The following CHM variants were observed in gnomAD, a reference collection of about 807,000 sequenced individuals.
The protein encoded by CHM is CHM Rab escort protein.
In CHM, 10 loss-of-function variants were observed where a neutral mutation model predicts 49.0. The observed-to-expected ratio is 0.20, with a 90% confidence interval of 0.13 to 0.35. CHM has a LOEUF of 0.35. CHM is among the 10% of genes least tolerant of loss of function. The pLI is 1.00. For missense variants in CHM, 455 were observed against 478.4 expected (o/e 0.95, Z 0.46); for synonymous variants, 184 against 167.5 (o/e 1.10, Z -0.76).
intron 8 of CHM, among the ~76,000 whole-genome samples, chrX:85,939,067 C>T (rs1350084945): frequency 8.9e-6 from 1 of 111,998 alleles, no homozygotes; most frequent in Non-Finnish European, 1.9e-5. Context: ...CTACAGTATT[C>T]AGTGCAGTCA....
chrX:85,984,520 G>T (rs1032876075), intron 2 of CHM, among the ~76,000 whole-genome samples: 2 of 111,776 alleles, frequency 1.8e-5, no homozygotes, highest in Admixed American at 1.9e-4. Flanking sequence ...ATACAAAATG[G>T]TACAAGCACT....
chrX:85,878,869 T>C, intron 13 of CHM, 96 bp downstream of exon 13: 1 of 606,613 alleles, frequency 1.6e-6, no homozygotes, highest in East Asian at 3.6e-5. Flanking sequence ...ATACATCCCA[T>C]TTCAGTTCAG....
rs1239337277 is a variant in CHM, at chrX:85,958,929, C to T, written c.751G>A (p.Val251Ile). The T allele has an allele frequency of 2.5e-6, 3 of 1,209,564 alleles. No individual in the cohort carries two copies. Among genetic ancestry groups the T allele is most frequent in the South Asian group, 1.8e-5 (1 of 56,784 alleles). The change falls in exon 6 of 15, where the codon GTT (valine) becomes ATT (isoleucine). Residue 251 changes from valine to isoleucine, a missense_variant. By Grantham distance (29) the Val-to-Ile change is conservative. Coordinates refer to ENST00000357749, the MANE Select transcript of CHM (RefSeq NM_000390.4). ...TTTTTAAACTCTGCATATCGACTAA[C>T]ATTAGATTTGATTAGAAGATCAATT... The part of the protein sequence containing the change: ...LLIDLLIKSN[V>I]SRYAEFKNIT...
intron 5 of CHM, among the ~76,000 whole-genome samples, chrX:85,962,462 A>T (rs1380074273): frequency 1.8e-5 from 2 of 112,276 alleles, no homozygotes; most frequent in Non-Finnish European, 3.8e-5. Context: ...AGATATTTAT[A>T]TTTTCAGGCA....
chrX:85,920,253 A>T (rs753574162), intron 8 of CHM, among the ~76,000 whole-genome samples: 1 of 108,872 alleles, frequency 9.2e-6, no homozygotes, highest in African/African-American at 3.4e-5. Flanking sequence ...CCACCACCAC[A>T]CCCAGCTAAT....
chrX:86,008,320 T>G (rs894498369), intron 2 of CHM, among the ~76,000 whole-genome samples: 9 of 110,657 alleles, frequency 8.1e-5, no homozygotes, highest in Non-Finnish European at 1.7e-4. Context: ...GATGAGTTGA[T>G]GGGGGCAGCA....
chrX:86,034,502 T>TGGG (rs771323583), intron 1 of CHM, among the ~76,000 whole-genome samples: 7 of 112,008 alleles, frequency 6.2e-5, no homozygotes, highest in Non-Finnish European at 1.1e-4. Flanking sequence ...GTGTGCAGGC[T>TGGG]GGGTGTGGTG....
At chrX:85,891,820 G>A (rs1019162770) in intron 12 of CHM, among the ~76,000 whole-genome samples, 2 of 111,390 alleles carry the variant, frequency 1.8e-5, no homozygotes, top group African/African-American at 3.3e-5. Flanking sequence ...AACAGGTTGC[G>A]CCAGGAAAAG....
chrX:85,889,272 C>A (rs1305873490), intron 12 of CHM, among the ~76,000 whole-genome samples: 3 of 111,800 alleles, frequency 2.7e-5, no homozygotes, highest in Non-Finnish European at 5.7e-5. Context: ...ACAGAGTGAA[C>A]AAACAAACTA....
intron 12 of CHM, among the ~76,000 whole-genome samples, chrX:85,886,067 A>C (rs1479125506): frequency 9.0e-6 from 1 of 111,706 alleles, no homozygotes; most frequent in Non-Finnish European, 1.9e-5. Context: ...CAAATATGAG[A>C]ATTCCACCAC....
At chrX:85,969,173 T>C in intron 4 of CHM, 1 of 738,705 alleles carries the variant, frequency 1.4e-6, no homozygotes, top group Non-Finnish European at 1.6e-6. Flanking sequence ...TAAGTTTTCA[T>C]CCTGCTTTAA....
intron 3 of CHM, among the ~76,000 whole-genome samples, chrX:85,980,908 T>C (rs1001886826): frequency 5.4e-5 from 6 of 110,819 alleles, no homozygotes; most frequent in African/African-American, 2.0e-4. Flanking sequence ...TTTGATTTTT[T>C]CTTTTGGCTG....
intron 8 of CHM, among the ~76,000 whole-genome samples, chrX:85,934,619 CT>C (rs1392793799): frequency 1.8e-5 from 2 of 109,778 alleles, no homozygotes; most frequent in East Asian, 2.9e-4. Context: ...TGAACTCATC[CT>C]TTTTTATGGC....
chrX:85,864,950 A>T lies in CHM; in HGVS notation c.1771-129T>A, dbSNP rs2294410. 16,136 of 563,666 alleles carry T rather than the reference A, an allele frequency of 0.029. 1,212 individuals carry two copies. Among genetic ancestry groups the T allele is most frequent in the African/African-American group, 0.26 (11,369 of 43,454 alleles). The allele number at this position is 563,666 out of a possible 1,213,427, so 46.5% of individuals were successfully genotyped here. ...TTTGCTTAAACAGGCTACAGTACTT[A>T]ATCAGAATACATGAACTTCCGTAAG... On this transcript the variant is annotated intron_variant, in intron 14 of 14. Coordinates refer to ENST00000357749, the MANE Select transcript of CHM (RefSeq NM_000390.4).
intron 8 of CHM, among the ~76,000 whole-genome samples, chrX:85,954,724 A>T (rs5968743): frequency 0.27 from 29,274 of 108,578 alleles, 3,248 homozygotes; most frequent in African/African-American, 0.38. Flanking sequence ...AAACTCCATC[A>T]CTACTAAAAA....
At chrX:85,933,950 G>A (rs970218786) in intron 8 of CHM, among the ~76,000 whole-genome samples, 1 of 111,298 alleles carries the variant, frequency 9.0e-6, no homozygotes, top group African/African-American at 3.3e-5. Flanking sequence ...CAAGATTGCA[G>A]GAGTCATTTA....
chrX:85,941,344 CAAGT>C (rs377086874), intron 8 of CHM, among the ~76,000 whole-genome samples: 9 of 111,598 alleles, frequency 8.1e-5, no homozygotes, highest in African/African-American at 2.9e-4. Flanking sequence ...CCCAGATCTA[CAAGT>C]AAGAAATGCT....
At chrX:85,998,798 T>C (rs1033283504) in intron 2 of CHM, among the ~76,000 whole-genome samples, 1 of 110,952 alleles carries the variant, frequency 9.0e-6, no homozygotes, top group East Asian at 2.8e-4. Context: ...CATCATAAAG[T>C]TGAAAAACTG....
intron 2 of CHM, among the ~76,000 whole-genome samples, chrX:86,025,126 T>G (rs1603282573): frequency 9.0e-6 from 1 of 111,411 alleles, no homozygotes; most frequent in East Asian, 2.8e-4. Flanking sequence ...AATCAATACC[T>G]AGATGTATCT....
Sources: gnomAD v4.1 joint callset for allele counts (sites outside exome capture counted in the v4.1 genomes callset) on GRCh38, gnomAD v4.1.1 for gene constraint, MANE v1.5 for transcripts, NCBI Gene and HGNC (gene_info 2026-07-23, HGNC 2026-07-21) for gene names.